The following TRIM13 variants were observed in gnomAD, a reference collection of about 807,000 sequenced individuals.
TRIM13 encodes the protein E3 ubiquitin-protein ligase TRIM13.
A neutral mutation model predicts 27.1 loss-of-function variants in TRIM13; 15 were observed. The ratio of observed to expected loss-of-function variants is 0.55; its 90% CI spans 0.37 to 0.85. The LOEUF (loss-of-function observed/expected upper bound fraction) is 0.85. Among genes scored for constraint, TRIM13 ranks in the 40% least tolerant of loss-of-function variants. The pLI is 0.00. For synonymous variants in TRIM13, 193 were observed against 171.5 expected (o/e 1.13, Z -0.98); for missense variants, 402 against 472.2 (o/e 0.85, Z 1.38).
intron 1 of TRIM13, among the ~76,000 whole-genome samples, chr13:49,999,216 G>T (rs2138331966): frequency 6.6e-6 from 1 of 152,156 alleles, no homozygotes; most frequent in Admixed American, 6.5e-5. Flanking sequence ...AGCTACATTT[G>T]CATAACAAAA....
At position 50,014,376 on chromosome 13, in the gene TRIM13, C is replaced by CAT. The variant is rs1226638968; in HGVS notation, c.*1215_*1216dup. On this transcript the variant is annotated 3_prime_UTR_variant, in exon 2 of 2. Coordinates refer to ENST00000378182, the MANE Select transcript of TRIM13 (RefSeq NM_213590.3). ...ATATATATATACACACACACACACA[C>CAT]ATATGTACACATACATATATATACA... 5 of 120,166 alleles carry CAT rather than the reference C, an allele frequency of 4.2e-5. No homozygotes were observed. Among genetic ancestry groups the CAT allele is most frequent in the African/African-American group, 1.7e-4 (5 of 28,694 alleles). 7.4% of individuals were successfully genotyped at this position (120,166 alleles called of 1,614,324 possible).
chr13:50,015,089 AAAAAAATATATATATATATATATATAT>A lies in TRIM13; in HGVS notation c.*1927_*1953del, dbSNP rs1340840190. On this transcript the variant is annotated 3_prime_UTR_variant, in exon 2 of 2. Transcript: ENST00000378182. ...CCTCCCAGTAATAAAAAAAAAAAAAAAAAAAATATATATATATATATATATATATATATATATATATATATATATATA... is the reference window on the plus strand; with the variant it reads ...CCTCCCAGTAATAAAAAAAAAAAAAAATATATATATATATATATATATATA... 66 of 43,350 alleles carry A rather than the reference AAAAAAATATATATATATATATATATAT, an allele frequency of 1.5e-3. 4 individuals carry two copies. The East Asian group carries it at 0.017, about 11-fold the overall frequency. 2.7% of individuals were successfully genotyped at this position (43,350 alleles called of 1,614,324 possible).
At chr13:50,011,660 C>A (rs1233904724) in intron 1 of TRIM13, among the ~76,000 whole-genome samples, 1 of 152,116 alleles carries the variant, frequency 6.6e-6, no homozygotes, top group African/African-American at 2.4e-5. Context: ...TGCAGTTGTC[C>A]TAGTCCTGAG....
chr13:50,015,146 T>TA lies in TRIM13; in HGVS notation c.*1983dup, dbSNP rs1876368857. 1 of 123,564 alleles carries TA rather than the reference T, an allele frequency of 8.1e-6. No individual in the cohort carries two copies. Among genetic ancestry groups the TA allele is most frequent in the Admixed American group, 1.0e-4 (1 of 9,990 alleles). 7.7% of individuals were successfully genotyped at this position (123,564 alleles called of 1,614,324 possible). A position where few individuals can be genotyped will look rare whatever the true frequency, so the allele number is the denominator to read the frequency against. On this transcript the variant is annotated 3_prime_UTR_variant, in exon 2 of 2. Transcript: ENST00000378182. ...ATATATATATATATATATATATATA[T>TA]ATATAGTTTTACTAGGTTTTCATGG...
intron 1 of TRIM13, among the ~76,000 whole-genome samples, chr13:50,005,594 G>C (rs1258711731): frequency 6.6e-6 from 1 of 151,358 alleles, no homozygotes; most frequent in East Asian, 2.0e-4. Context: ...AGAATCACTT[G>C]AACCCAGGAG....
rs1876848868 is a variant in TRIM13 at position 50,018,140 on chromosome 13, GTTTAAAC to G, written c.*4981_*4987del. The G allele has an allele frequency of 6.0e-6, 1 of 167,002 alleles. No individual in the cohort carries two copies. The highest frequency in any genetic ancestry group is 2.1e-4 in the South Asian group (1 of 4,834). 10.3% of individuals were successfully genotyped at this position (167,002 alleles called of 1,614,324 possible). A position where few individuals can be genotyped will look rare whatever the true frequency, so the allele number is the denominator to read the frequency against. On this transcript the variant is annotated 3_prime_UTR_variant, in exon 2 of 2. Coordinates refer to ENST00000378182, the MANE Select transcript of TRIM13 (RefSeq NM_213590.3). ...AGTTGCTTTTAAATGTTAAAAATAA[GTTTAAAC>G]TTTATATTTCCCATTGGTTTCCCCT...
At chr13:50,005,122 G>C in intron 1 of TRIM13, among the ~76,000 whole-genome samples, 1 of 151,996 alleles carries the variant, frequency 6.6e-6, no homozygotes, top group South Asian at 2.1e-4. Context: ...AGGTGGAGGG[G>C]ATGTATCCTT....
intron 1 of TRIM13, among the ~76,000 whole-genome samples, chr13:50,010,987 A>G (rs1315973290): frequency 6.6e-6 from 1 of 152,198 alleles, no homozygotes; most frequent in Non-Finnish European, 1.5e-5. Context: ...CACAGGCTCA[A>G]GACTTAATAA....
chr13:50,008,504 G>A (rs1184429979), intron 1 of TRIM13, among the ~76,000 whole-genome samples: 2 of 151,886 alleles, frequency 1.3e-5, no homozygotes, highest in African/African-American at 4.8e-5. Flanking sequence ...CAGGCGTGGT[G>A]GTGCATGCCT....
rs1876235379 is a variant in TRIM13, at chr13:50,015,085, AAAAAAAAAAATATATATATATATAT to A, written c.*1923_*1947del. The A allele has an allele frequency of 8.4e-5, 5 of 59,608 alleles. No homozygotes were observed. The South Asian group carries it at 2.4e-3, about 29-fold the overall frequency. 3.7% of individuals were successfully genotyped at this position (59,608 alleles called of 1,614,324 possible). A position where few individuals can be genotyped will look rare whatever the true frequency, so the allele number is the denominator to read the frequency against. The stretch of plus-strand genomic sequence containing the variant: ...TTCCCCTCCCAGTAATAAAAAAAAA[AAAAAAAAAAATATATATATATATAT>A]ATATATATATATATATATATATATA... On this transcript the variant is annotated 3_prime_UTR_variant, in exon 2 of 2. Transcript: ENST00000378182.
rs1474428592 is a variant in TRIM13, at chr13:50,015,095, ATATATATATATAT to A, written c.*1932_*1944del. The A allele has an allele frequency of 7.8e-4, 13 of 16,702 alleles. 1 individual carries two copies. The highest frequency in any genetic ancestry group is 4.2e-3 in the African/African-American group (13 of 3,092). The allele number at this position is 16,702 out of a possible 1,614,324, so 1.0% of individuals were successfully genotyped here. A position where few individuals can be genotyped will look rare whatever the true frequency, so the allele number is the denominator to read the frequency against. On this transcript the variant is annotated 3_prime_UTR_variant, in exon 2 of 2. Coordinates refer to ENST00000378182, the MANE Select transcript of TRIM13 (RefSeq NM_213590.3). ...AGTAATAAAAAAAAAAAAAAAAAAA[ATATATATATATAT>A]ATATATATATATATATATATATATA... is the stretch of plus-strand genomic sequence containing the variant.
chr13:49,999,177 G>A (rs1418757034), intron 1 of TRIM13, among the ~76,000 whole-genome samples: 1 of 152,010 alleles, frequency 6.6e-6, no homozygotes, highest in Non-Finnish European at 1.5e-5. Context: ...AAAACCACGG[G>A]TGCAGGTGTC....
Position 50,017,126 on chromosome 13 carries a change from G to C in TRIM13, c.*3962G>C, listed in dbSNP as rs908967475. 1 of 166,978 alleles carries C rather than the reference G, an allele frequency of 6.0e-6. No homozygotes were observed. Among genetic ancestry groups the C allele is most frequent in the African/African-American group, 2.4e-5 (1 of 41,436 alleles). 10.3% of individuals were successfully genotyped at this position (166,978 alleles called of 1,614,324 possible). On this transcript the variant is annotated 3_prime_UTR_variant, in exon 2 of 2. Transcript: ENST00000378182. ...GTCAAGCTAGTAGGCTGATTGTGAAGAAAATCTAATACCTTATCTTTATCT... is the reference window on the plus strand; with the variant it reads ...GTCAAGCTAGTAGGCTGATTGTGAACAAAATCTAATACCTTATCTTTATCT...
At position 50,013,879 on chromosome 13, in the gene TRIM13, C is replaced by CT. The variant is rs1387555221; in HGVS notation, c.*716dup. ...GCACCTTTTTGACAGTGAACATGGT[C>CT]TAAAAAAGGGAAGATATTGTAGAAG... On this transcript the variant is annotated 3_prime_UTR_variant, in exon 2 of 2. Transcript: ENST00000378182. 1.2e-5 allele frequency: 2 copies of CT among 166,478 alleles called. No individual in the cohort carries two copies. The highest frequency in any genetic ancestry group is 2.9e-5 in the Non-Finnish European group (2 of 67,996). The allele number at this position is 166,478 out of a possible 1,614,324, so 10.3% of individuals were successfully genotyped here. A position where few individuals can be genotyped will look rare whatever the true frequency, so the allele number is the denominator to read the frequency against.
chr13:50,005,091 C>A (rs1378944382), intron 1 of TRIM13, among the ~76,000 whole-genome samples: 1 of 151,812 alleles, frequency 6.6e-6, no homozygotes, highest in Non-Finnish European at 1.5e-5. Context: ...GAAAAAAAAA[C>A]AACCAGAAAC....
Position 50,015,563 on chromosome 13 carries a change from A to G in TRIM13, c.*2399A>G. On this transcript the variant is annotated 3_prime_UTR_variant, in exon 2 of 2. Transcript: ENST00000378182. Reference sequence around the variant, plus strand: ...ATTCACGACAAGGTTTTCTACGATAAAGCAGTTTCCTGCTTCTCGTTTGGC... The same window carrying G: ...ATTCACGACAAGGTTTTCTACGATAGAGCAGTTTCCTGCTTCTCGTTTGGC... The G allele has an allele frequency of 6.2e-7, 1 of 1,614,100 alleles. No individual in the cohort carries two copies. Among genetic ancestry groups the G allele is most frequent in the Non-Finnish European group, 8.5e-7 (1 of 1,179,982 alleles).
At chr13:49,999,956 ACTT>A (rs948963769) in intron 1 of TRIM13, among the ~76,000 whole-genome samples, 4 of 152,176 alleles carry the variant, frequency 2.6e-5, no homozygotes, top group African/African-American at 9.7e-5. Context: ...ATGAGTCTCC[ACTT>A]CTTGAGTGCT....
In TRIM13 at chr13:50,016,404, T is replaced by A; in HGVS notation, c.*3240T>A. On this transcript the variant is annotated 3_prime_UTR_variant, in exon 2 of 2. Transcript: ENST00000378182. ...AATTTGACTTAGAAAAGAATTGCCT[T>A]ATTTTTAAGAGATTGTTTCAGTGGT... The A allele has an allele frequency of 4.1e-6, 1 of 241,030 alleles. No individual in the cohort carries two copies. Among genetic ancestry groups the A allele is most frequent in the Non-Finnish European group, 8.7e-6 (1 of 115,298 alleles). 14.9% of individuals were successfully genotyped at this position (241,030 alleles called of 1,614,324 possible).
In TRIM13 at chr13:50,016,089, G is replaced by GT; in HGVS notation, c.*2926dup. ...GGAGTCAGGTATTTTGTACTTTGCAGTATTTCTCTTGTATACCAGTTTGTG... is the reference window on the plus strand; with the variant it reads ...GGAGTCAGGTATTTTGTACTTTGCAGTTATTTCTCTTGTATACCAGTTTGTG... On this transcript the variant is annotated 3_prime_UTR_variant, in exon 2 of 2. Coordinates refer to ENST00000378182, the MANE Select transcript of TRIM13 (RefSeq NM_213590.3). 6.3e-7 allele frequency: 1 copy of GT among 1,582,448 alleles called. No homozygotes were observed. Among genetic ancestry groups the GT allele is most frequent in the Non-Finnish European group, 8.7e-7 (1 of 1,152,568 alleles).
Sources: gnomAD v4.1 joint callset for allele counts (sites outside exome capture counted in the v4.1 genomes callset) on GRCh38, gnomAD v4.1.1 for gene constraint, MANE v1.5 for transcripts, NCBI Gene and HGNC (gene_info 2026-07-23, HGNC 2026-07-21) for gene names.